The following TSKS variants were observed in gnomAD, a reference collection of about 807,000 sequenced individuals.
The protein encoded by TSKS is testis specific serine kinase substrate.
A neutral mutation model predicts 68.0 loss-of-function variants in TSKS; 27 were observed. The ratio of observed to expected loss-of-function variants is 0.40; its 90% CI spans 0.29 to 0.55. The LOEUF is 0.55. Ranked by LOEUF, TSKS falls within the 20% of genes least tolerant of loss-of-function variation. The pLI is 0.53. For missense variants in TSKS, 806 were observed against 776.0 expected (o/e 1.04, Z -0.46); for synonymous variants, 331 against 340.4 (o/e 0.97, Z 0.30).
chr19:49,748,645 C>T (rs2084323386), intron 2 of TSKS, among the ~76,000 whole-genome samples, 176 bp from the exon 3 acceptor site: 1 of 152,188 alleles, frequency 6.6e-6, no homozygotes, highest in Non-Finnish European at 1.5e-5. Context: ...GCGGCAAACC[C>T]AGGGCATAAA....
chr19:49,750,195 C>A (rs2084337366), intron 2 of TSKS, among the ~76,000 whole-genome samples: 1 of 151,860 alleles, frequency 6.6e-6, no homozygotes, highest in African/African-American at 2.4e-5. Flanking sequence ...CTGTGTTATT[C>A]AAGCTGTGTT....
At chr19:49,761,556 A>G (rs768602001) in intron 2 of TSKS, among the ~76,000 whole-genome samples, 8 of 152,032 alleles carry the variant, frequency 5.3e-5, no homozygotes, top group Non-Finnish European at 8.8e-5. Flanking sequence ...GGAATTTCTC[A>G]CCCTAGTCTG....
At position 49,749,158 on chromosome 19, in the gene TSKS, G is replaced by A. The variant is rs2084327888; in HGVS notation, c.400-689C>T. Reference sequence around the variant, plus strand: ...CAGGAACTGGTGAATTACAAAGGAAGCCACTTTTCAGATATGAACACTTGC... The same window carrying A: ...CAGGAACTGGTGAATTACAAAGGAAACCACTTTTCAGATATGAACACTTGC... On this transcript the variant is annotated intron_variant, in intron 2 of 10. Coordinates refer to ENST00000246801, the MANE Select transcript of TSKS (RefSeq NM_021733.2). Among the ~76,000 whole-genome samples the A allele has an allele frequency of 2.0e-5, 3 of 152,168 alleles. No individual in the cohort carries two copies. In the South Asian group the frequency reaches 6.2e-4, roughly 32 times the overall value.
chr19:49,741,739 G>A (rs1309770621), intron 9 of TSKS, 146 bp downstream of exon 9: 3 of 1,099,384 alleles, frequency 2.7e-6, no homozygotes, highest in Admixed American at 3.9e-5. Flanking sequence ...ATGCATTAGG[G>A]CCAAGTCCTC....
intron 2 of TSKS, 36 bp downstream of exon 2, chr19:49,761,968 C>A: frequency 1.9e-6 from 3 of 1,547,078 alleles, no homozygotes; most frequent in Non-Finnish European, 2.7e-6. Flanking sequence ...TGGAGGACCT[C>A]GGTCCTCCCC....
At chr19:49,747,211 T>C in intron 5 of TSKS, 178 bp downstream of exon 5, 2 of 1,537,984 alleles carry the variant, frequency 1.3e-6, no homozygotes, top group Non-Finnish European at 1.7e-6. Flanking sequence ...GTCCCCCATC[T>C]GGGTGTTGGA....
rs764386939 is a variant in TSKS, at chr19:49,744,239, G to A, written c.1353C>T (p.Arg451=). 1.9e-6 allele frequency: 3 copies of A among 1,611,940 alleles called. No individual in the cohort carries two copies. Among genetic ancestry groups the A allele is most frequent in the East Asian group, 2.2e-5 (1 of 44,794 alleles). The change falls in exon 8 of 11, where the codon CGC becomes CGT. Residue 451 remains arginine (R), a synonymous_variant. Coordinates refer to ENST00000246801, the MANE Select transcript of TSKS (RefSeq NM_021733.2). ...LDRSHQGNCA[R]CASQGSQLST... is the part of the protein sequence containing the mutation. The stretch of plus-strand genomic sequence containing the variant: ...AAGCCCAGCCCCGTTACCTGGCACA[G>A]CGGGCACAGTTGCCTTGGTGGGACC...
chr19:49,744,332 A>C lies in TSKS; in HGVS notation c.1260T>G (p.Ile420Met). Residue 420 changes from isoleucine (I) to methionine (M), a missense_variant, in exon 8 of 11, where the codon ATT (isoleucine) becomes ATG (methionine). Physicochemically the swap from Ile to Met is conservative, Grantham distance 10 (BLOSUM62 1). Transcript: ENST00000246801. ...GAAATTGCCGCCCGAACTCCTCCAG[A>C]ATGGGTTTCAGTGGGCCCAGCCCCT... ...ELEGLGPLKPILEEFGRQFQN... is the reference protein window; with the variant it reads ...ELEGLGPLKPMLEEFGRQFQN... 1 of 1,613,954 alleles carries C rather than the reference A, an allele frequency of 6.2e-7. No homozygotes were observed. Among genetic ancestry groups the C allele is most frequent in the Non-Finnish European group, 8.5e-7 (1 of 1,179,972 alleles).
chr19:49,761,259 A>C (rs2084438018), intron 2 of TSKS, among the ~76,000 whole-genome samples: 1 of 152,148 alleles, frequency 6.6e-6, no homozygotes, highest in African/African-American at 2.4e-5. Context: ...TATCTGGTAG[A>C]GCCTGTTTTA....
chr19:49,756,753 C>G (rs1326603411), intron 2 of TSKS, among the ~76,000 whole-genome samples: 1 of 152,162 alleles, frequency 6.6e-6, no homozygotes, highest in Non-Finnish European at 1.5e-5. Flanking sequence ...CTTGGTGACT[C>G]ACACCCAGGA....
intron 4 of TSKS, among the ~76,000 whole-genome samples, chr19:49,747,740 G>A (rs917021808): frequency 1.3e-4 from 19 of 151,948 alleles, no homozygotes. Context: ...ACTGAGTCTC[G>A]CTCTGTCGGC....
chr19:49,750,613 C>T (rs2084341985), intron 2 of TSKS, among the ~76,000 whole-genome samples: 1 of 152,132 alleles, frequency 6.6e-6, no homozygotes, highest in Non-Finnish European at 1.5e-5. Context: ...GAGCCCTCTG[C>T]CAGCTGTTTA....
intron 3 of TSKS, 61 bp from the exon 4 acceptor site, chr19:49,748,229 A>C: frequency 1.3e-6 from 2 of 1,594,396 alleles, no homozygotes; most frequent in South Asian, 2.2e-5. Flanking sequence ...GTGGAAAAGA[A>C]GATCTGGGCC....
intron 2 of TSKS, among the ~76,000 whole-genome samples, chr19:49,748,738 A>T (rs1232239203): frequency 1.3e-5 from 2 of 152,098 alleles, no homozygotes; most frequent in Non-Finnish European, 2.9e-5. Context: ...AGACATGTGG[A>T]GGAAGAAGGA....
intron 2 of TSKS, among the ~76,000 whole-genome samples, chr19:49,759,664 C>T (rs903255134): frequency 7.5e-5 from 10 of 133,520 alleles, no homozygotes; most frequent in African/African-American, 1.8e-4. Flanking sequence ...AAAAAAAAAC[C>T]GAAAGAAAGA....
chr19:49,742,530 G>C (rs1177934451), intron 8 of TSKS, among the ~76,000 whole-genome samples: 4 of 120,028 alleles, frequency 3.3e-5, no homozygotes, highest in Admixed American at 1.1e-4. Flanking sequence ...ATGGAGTCTC[G>C]CTCTGTCACC....
intron 8 of TSKS, among the ~76,000 whole-genome samples, chr19:49,742,499 T>C (rs1302039367): frequency 1.6e-5 from 2 of 122,926 alleles, no homozygotes; most frequent in Non-Finnish European, 1.7e-5. Flanking sequence ...CCCGGCCCTT[T>C]TTTTTTTTTT....
At chr19:49,761,772 T>G (rs2123634546) in intron 2 of TSKS, among the ~76,000 whole-genome samples, 1 of 151,998 alleles carries the variant, frequency 6.6e-6, no homozygotes, top group African/African-American at 2.4e-5. Flanking sequence ...GAGACCATCT[T>G]GGGCAACACA....
intron 2 of TSKS, among the ~76,000 whole-genome samples, chr19:49,758,250 C>T (rs1426059355): frequency 6.6e-6 from 1 of 152,162 alleles, no homozygotes; most frequent in Non-Finnish European, 1.5e-5. Flanking sequence ...CCTGTCCCCG[C>T]CTTCTCTCTG....
Sources: gnomAD v4.1 joint callset for allele counts (sites outside exome capture counted in the v4.1 genomes callset) on GRCh38, gnomAD v4.1.1 for gene constraint, MANE v1.5 for transcripts, NCBI Gene and HGNC (gene_info 2026-07-23, HGNC 2026-07-21) for gene names.